Variants in BRWD3 observed in about 807,000 individuals in gnomAD.
BRWD3 encodes the protein bromodomain and WD repeat-containing protein 3.
In BRWD3, 10 loss-of-function variants were observed where a neutral mutation model predicts 149.7. The observed-to-expected ratio is 0.07, with a 90% CI of 0.04 to 0.11. BRWD3 has a LOEUF of 0.11. BRWD3 is among the 10% of genes least tolerant of loss of function. The probability of loss-of-function intolerance (pLI) is 1.00; values close to 1 mark genes in which losing one functional copy is unlikely to be tolerated. For synonymous variants in BRWD3, 504 were observed against 456.7 expected, an observed-to-expected ratio of 1.10 and a Z score of -1.32; for missense variants, 940 against 1,373.2, an observed-to-expected ratio of 0.68 and a Z score of 4.99.
intron 6 of BRWD3, among the ~76,000 whole-genome samples, chrX:80,764,913 A>G (rs982206544): frequency 2.7e-5 from 3 of 111,964 alleles, no homozygotes; most frequent in African/African-American, 9.7e-5. Flanking sequence ...GCATACAAAA[A>G]GATGTTCAAC....
At chrX:80,726,235 A>C (rs1307866177) in intron 14 of BRWD3, among the ~76,000 whole-genome samples, 1 of 96,795 alleles carries the variant, frequency 1.0e-5, no homozygotes, top group Non-Finnish European at 2.2e-5. Flanking sequence ...ACACGTTTAC[A>C]TGTTATATGT....
intron 6 of BRWD3, among the ~76,000 whole-genome samples, chrX:80,784,231 A>G (rs1017301510): frequency 3.6e-5 from 4 of 110,884 alleles, no homozygotes; most frequent in African/African-American, 1.3e-4. Flanking sequence ...AAAACCAGAA[A>G]TTGATTATCA....
chrX:80,710,818 C>G, intron 20 of BRWD3: 1 of 359,770 alleles, frequency 2.8e-6, no homozygotes, highest in East Asian at 6.1e-5. Flanking sequence ...TTTTAGGAAT[C>G]AGTCCAGATG....
intron 8 of BRWD3, among the ~76,000 whole-genome samples, chrX:80,742,256 T>G (rs1335876703): frequency 9.0e-6 from 1 of 110,728 alleles, no homozygotes; most frequent in African/African-American, 3.3e-5. Flanking sequence ...CTCTGTTCTG[T>G]TCCATTGGTC....
chrX:80,772,601 G>C (rs1414732919), intron 6 of BRWD3, among the ~76,000 whole-genome samples: 2 of 109,678 alleles, frequency 1.8e-5, no homozygotes, highest in Non-Finnish European at 3.8e-5. Context: ...ATGTACCCTA[G>C]AACTTAAAGT....
At chrX:80,726,219 CAT>C (rs745768655) in intron 14 of BRWD3, among the ~76,000 whole-genome samples, 46 of 94,814 alleles carry the variant, frequency 4.9e-4, no homozygotes, top group Middle Eastern at 7.8e-3. Flanking sequence ...GTCTGTATAA[CAT>C]ATAACACGTT....
intron 4 of BRWD3, among the ~76,000 whole-genome samples, chrX:80,802,914 G>A (rs1319558234): frequency 1.8e-5 from 2 of 110,319 alleles, no homozygotes; most frequent in Admixed American, 1.9e-4. Flanking sequence ...GACCATCCTG[G>A]CTAACACGGA....
chrX:80,735,889 A>G, intron 9 of BRWD3, 99 bp downstream of exon 9: 1 of 518,658 alleles, frequency 1.9e-6, no homozygotes, highest in Non-Finnish European at 3.3e-6. Flanking sequence ...ACACATACAC[A>G]TATGTAAATA....
chrX:80,671,432 C>T lies in BRWD3; in HGVS notation c.*5177G>A, dbSNP rs1321336967. ...TTCTATGACAAAGAAACAAGAAAGA[C>T]CTAAGAGTTACATGTTACAATCTCT... On this transcript the variant is annotated 3_prime_UTR_variant, in exon 41 of 41. Transcript: ENST00000373275. 8.9e-6 allele frequency: 1 copy of T among 111,931 alleles called. No individual in the cohort carries two copies. The highest frequency in any genetic ancestry group is 1.9e-5 in the Non-Finnish European group (1 of 53,132). The allele number at this position is 111,931 out of a possible 1,213,427, so 9.2% of individuals were successfully genotyped here.
intron 6 of BRWD3, among the ~76,000 whole-genome samples, chrX:80,764,579 C>T (rs953206724): frequency 4.5e-5 from 5 of 110,007 alleles, no homozygotes; most frequent in African/African-American, 1.7e-4. Context: ...TCCCAAAGTG[C>T]TGGGATTACA....
chrX:80,710,326 T>G (rs777638901), intron 20 of BRWD3: 1 of 334,383 alleles, frequency 3.0e-6, no homozygotes, highest in East Asian at 6.6e-5. Context: ...CTGCTGGTTA[T>G]AATGATATGG....
At chrX:80,756,502 C>CAAAAAAA (rs974549325) in intron 6 of BRWD3, among the ~76,000 whole-genome samples, 2 of 41,315 alleles carry the variant, frequency 4.8e-5, no homozygotes, top group Non-Finnish European at 7.9e-5. Context: ...AACTCTGTCT[C>CAAAAAAA]AAAAAAAAAA....
intron 17 of BRWD3, among the ~76,000 whole-genome samples, chrX:80,720,038 G>A (rs868172005): frequency 5.4e-4 from 60 of 111,900 alleles, no homozygotes; most frequent in African/African-American, 1.8e-3. Context: ...CACGTTTGTG[G>A]TGTTATTGGC....
chrX:80,735,344 A>G, intron 9 of BRWD3, 147 bp from the exon 10 acceptor site: 1 of 483,897 alleles, frequency 2.1e-6, no homozygotes, highest in South Asian at 3.1e-5. Context: ...ATTCTCATCA[A>G]TTAGGTTAAA....
chrX:80,744,182 G>A lies in BRWD3; in HGVS notation c.663C>T (p.His221=). 1.7e-6 allele frequency: 2 copies of A among 1,211,511 alleles called. No homozygotes were observed. Among genetic ancestry groups the A allele is most frequent in the Non-Finnish European group, 2.2e-6 (2 of 895,289 alleles). The change falls in exon 8 of 41, where the codon CAC becomes CAT. Residue 221 remains histidine, a synonymous_variant. Coordinates refer to ENST00000373275, the MANE Select transcript of BRWD3 (RefSeq NM_153252.5). ...DGRLLATLRG[H]SAEISDMAVN... ...CAGCCATGTCAGAAATTTCAGCAGA[G>A]TGTCCACGAAGTGTAGCAAGAAGGC...
At chrX:80,727,067 G>C (rs2073261502) in intron 14 of BRWD3, among the ~76,000 whole-genome samples, 1 of 108,799 alleles carries the variant, frequency 9.2e-6, no homozygotes, top group Admixed American at 9.9e-5. Context: ...ATAGTTACTA[G>C]ATCATGGGGA....
At chrX:80,677,390 A>C in intron 40 of BRWD3, 27 bp from the exon 41 acceptor site, 1 of 1,185,719 alleles carries the variant, frequency 8.4e-7, no homozygotes, top group Non-Finnish European at 1.1e-6. Flanking sequence ...GATTTTTAAT[A>C]GTTAAGCTTT....
At chrX:80,680,757 T>C (rs923202307) in intron 40 of BRWD3, among the ~76,000 whole-genome samples, 1 of 111,018 alleles carries the variant, frequency 9.0e-6, no homozygotes, top group Non-Finnish European at 1.9e-5. Context: ...TGTGTCTTCA[T>C]GTGCTTGGGG....
chrX:80,677,579 T>C (rs1347262686), intron 40 of BRWD3, among the ~76,000 whole-genome samples: 1 of 111,455 alleles, frequency 9.0e-6, no homozygotes, highest in Non-Finnish European at 1.9e-5. Context: ...GGTGGAATGA[T>C]GGCCATGAGG....
Sources: allele counts gnomAD v4.1 joint callset (sites outside exome capture counted in the v4.1 genomes callset), GRCh38; gene constraint gnomAD v4.1.1; transcripts MANE v1.5; gene names NCBI Gene and HGNC (gene_info 2026-07-23, HGNC 2026-07-21).